POMGNT1: variants seen among roughly 807,000 people sequenced by gnomAD.
POMGNT1 encodes protein O-linked-mannose beta-1,2-N-acetylglucosaminyltransferase 1.
In POMGNT1, 67 loss-of-function variants were observed where a neutral mutation model predicts 95.6. The observed-to-expected ratio is 0.70, with a 90% confidence interval of 0.58 to 0.86. The LOEUF is 0.86. POMGNT1 is among the 40% of genes least tolerant of loss of function. POMGNT1 has a pLI of 0.00. For synonymous variants in POMGNT1, 298 were observed against 317.9 expected, an observed-to-expected ratio of 0.94 and a Z score of 0.66; for missense variants, 719 against 855.2, an observed-to-expected ratio of 0.84 and a Z score of 1.99.
At chr1:46,202,920 G>GGGGGGGGGGGGGT (rs1658586504), upstream of POMGNT1, among the ~76,000 whole-genome samples, 1 of 64,514 alleles carries the variant, frequency 1.6e-5, no homozygotes, top group Non-Finnish European at 2.9e-5. Context: ...GGGGGGGGGT[G>GGGGGGGGGGGGGT]GTGTGTGTGT....
chr1:46,198,081 C>T (rs1388645264), intron 1 of POMGNT1: 5 of 544,642 alleles, frequency 9.2e-6, no homozygotes, highest in Non-Finnish European at 1.6e-5. Flanking sequence ...GAGTAACTCT[C>T]TGAATCAAGG....
chr1:46,212,673 T>C (rs191518026), intron 1 of POMGNT1, among the ~76,000 whole-genome samples: 304 of 152,274 alleles, frequency 2.0e-3, no homozygotes, highest in African/African-American at 7.1e-3. Flanking sequence ...GCCTCCCGGG[T>C]TCAAGTGATT....
At chr1:46,216,689 C>A (rs563426835) in intron 1 of POMGNT1, among the ~76,000 whole-genome samples, 2 of 152,244 alleles carry the variant, frequency 1.3e-5, no homozygotes, top group Admixed American at 1.3e-4. Context: ...AGGTTTGTTA[C>A]ATGGGTATAT....
chr1:46,211,048 G>T (rs906439370), intron 1 of POMGNT1, among the ~76,000 whole-genome samples: 5 of 151,366 alleles, frequency 3.3e-5, no homozygotes, highest in Non-Finnish European at 5.9e-5. Context: ...CTAGAGTGTT[G>T]GGATTACAGG....
chr1:46,202,920 G>GGTGTGTGTGTGTGTGTGT (rs10689850), upstream of POMGNT1, among the ~76,000 whole-genome samples: 7 of 64,512 alleles, frequency 1.1e-4, no homozygotes, highest in African/African-American at 4.6e-4. Flanking sequence ...GGGGGGGGGT[G>GGTGTGTGTGTGTGTGTGT]GTGTGTGTGT....
chr1:46,190,611 TA>T, intron 18 of POMGNT1, 94 bp from the exon 19 acceptor site: 1 of 1,533,542 alleles, frequency 6.5e-7, no homozygotes, highest in South Asian at 1.1e-5. Context: ...TGGGAATCTG[TA>T]GCCGCAGGGC....
rs754657039 is a variant in POMGNT1, at chr1:46,196,083, C to A, written c.355-6G>T. The stretch of plus-strand genomic sequence containing the variant: ...CGGGCCTCATCCTCCAGCACCTACA[C>A]AGTGGCAGAGACAAAGTCCAGCTTT... On this transcript the variant is annotated splice_polypyrimidine_tract_variant and splice_region_variant and intron_variant, in intron 4 of 21. Transcript: ENST00000371984. The surrounding 1 kb of genome is among the most constrained non-coding windows in gnomAD (Gnocchi z 4.4). 1 of 1,613,974 alleles carries A rather than the reference C, an allele frequency of 6.2e-7. No individual in the cohort carries two copies. Among genetic ancestry groups the A allele is most frequent in the Middle Eastern group, 1.7e-4 (1 of 6,022 alleles).
chr1:46,219,099 C>A (rs1659151582), intron 1 of POMGNT1, among the ~76,000 whole-genome samples: 1 of 151,998 alleles, frequency 6.6e-6, no homozygotes, highest in African/African-American at 2.4e-5. Flanking sequence ...GGGTTTGAGA[C>A]CAGCCTGACC....
intron 1 of POMGNT1, among the ~76,000 whole-genome samples, chr1:46,204,405 C>T (rs879730656): frequency 2.0e-5 from 3 of 152,178 alleles, no homozygotes; most frequent in Admixed American, 2.0e-4. Context: ...TCCCCAGGGC[C>T]CTGATTCCGG....
chr1:46,201,274 G>T (rs1029029530), upstream of POMGNT1, among the ~76,000 whole-genome samples: 2 of 152,114 alleles, frequency 1.3e-5, no homozygotes, highest in Admixed American at 1.3e-4. Flanking sequence ...CACTTTGGGA[G>T]GCTAAGGTGG....
chr1:46,218,700 G>A (rs753424146), intron 1 of POMGNT1, among the ~76,000 whole-genome samples: 10 of 152,206 alleles, frequency 6.6e-5, no homozygotes, highest in Non-Finnish European at 1.5e-4. Flanking sequence ...ATCTGAGCTG[G>A]AACGGACGCT....
upstream of POMGNT1, among the ~76,000 whole-genome samples, chr1:46,200,643 A>G (rs1323602449): frequency 1.3e-5 from 2 of 152,234 alleles, no homozygotes; most frequent in African/African-American, 4.8e-5. Context: ...GAATGCCACT[A>G]TAAATGAATG....
chr1:46,201,710 AAAAAG>A (rs1159149526), upstream of POMGNT1, among the ~76,000 whole-genome samples: 1 of 151,694 alleles, frequency 6.6e-6, no homozygotes, highest in African/African-American at 2.4e-5. Flanking sequence ...AAAAAAAAAA[AAAAAG>A]AAAAAAGAAA....
Position 46,195,854 on chromosome 1 carries a change from A to C in POMGNT1, c.491T>G (p.Leu164Arg). 6.2e-7 allele frequency: 1 copy of C among 1,612,116 alleles called. No individual in the cohort carries two copies. The highest frequency in any genetic ancestry group is 8.5e-7 in the Non-Finnish European group (1 of 1,179,138). ...PHEDEAMVLF[L>R]NMVAPGRVLI... ...CACTCGGCCGGGCGCTACCATGTTGAGGAATAGCACCATGGCCTCATCCTC... is the reference window on the plus strand; with the variant it reads ...CACTCGGCCGGGCGCTACCATGTTGCGGAATAGCACCATGGCCTCATCCTC... The change falls in exon 6 of 22, where the codon CTC (leucine) becomes CGC (arginine). Residue 164 changes from leucine to arginine, a missense_variant. By Grantham distance (102) the Leu-to-Arg change is moderately radical. Around this residue, in one of 5 missense-constraint regions of POMGNT1, gnomAD observed 466 missense variants for 517.4 expected, o/e 0.90. Coordinates refer to ENST00000371984, the MANE Select transcript of POMGNT1 (RefSeq NM_017739.4).
At chr1:46,207,314 C>T (rs1397917804) in intron 1 of POMGNT1, among the ~76,000 whole-genome samples, 3 of 152,086 alleles carry the variant, frequency 2.0e-5, no homozygotes, top group Non-Finnish European at 4.4e-5. Context: ...GTCCTGACCT[C>T]AAGTGATCTT....
At chr1:46,195,088 T>C (rs2148206960) in intron 6 of POMGNT1, 127 bp from the exon 7 acceptor site, 2 of 826,194 alleles carry the variant, frequency 2.4e-6, no homozygotes, top group African/African-American at 1.7e-5. Context: ...TAACCCTCTA[T>C]GGTTACTCTC....
chr1:46,206,039 G>C (rs1475424307), intron 1 of POMGNT1, among the ~76,000 whole-genome samples: 1 of 152,220 alleles, frequency 6.6e-6, no homozygotes, highest in Non-Finnish European at 1.5e-5. Context: ...AAGGTTGAGT[G>C]AACAAGCCAG....
At position 46,193,114 on chromosome 1, in the gene POMGNT1, C is replaced by T. The variant is rs1241283976; in HGVS notation, c.1152+60G>A. The T allele has an allele frequency of 5.6e-6, 9 of 1,612,050 alleles. No individual in the cohort carries two copies. The African/African-American group carries it at 8.0e-5, about 14-fold the overall frequency. On this transcript the variant is annotated intron_variant, in intron 13 of 21. Coordinates refer to ENST00000371984, the MANE Select transcript of POMGNT1 (RefSeq NM_017739.4). ...GGAAGAGCTTGCCACGTAACAGGCC[C>T]AGACCTTATGCCCATGTTTCCCCCC...
chr1:46,200,879 G>A (rs548948738), upstream of POMGNT1, among the ~76,000 whole-genome samples: 1 of 152,382 alleles, frequency 6.6e-6, no homozygotes, highest in African/African-American at 2.4e-5. Flanking sequence ...GCTCATGCCT[G>A]TAATCCCGGC....
Sources: gnomAD v4.1 joint callset for allele counts (sites outside exome capture counted in the v4.1 genomes callset) on GRCh38, gnomAD v4.1.1 for gene constraint, gnomAD v4.1.1 regional missense constraint, Gnocchi (gnomAD v3.1) non-coding constraint, MANE v1.5 for transcripts, NCBI Gene and HGNC (gene_info 2026-07-23, HGNC 2026-07-21) for gene names.